Variants in ZFHX3 observed in about 807,000 individuals in gnomAD.
The protein encoded by ZFHX3 is zinc finger homeobox protein 3.
ZFHX3 carries 42 observed loss-of-function variants against 279.1 expected under a neutral mutation model. The observed-to-expected ratio is 0.15, with a 90% CI of 0.12 to 0.19. The LOEUF (loss-of-function observed/expected upper bound fraction) is 0.19. Ranked by LOEUF, ZFHX3 falls within the 10% of genes least tolerant of loss-of-function variation. ZFHX3 has a pLI of 1.00. For missense variants in ZFHX3, 4,981 were observed against 4,754.0 expected (o/e 1.05, Z -1.40); for synonymous variants, 2,293 against 1,957.8 (o/e 1.17, Z -4.52).
chr16:73,710,813 C>T (rs2053354676), intron 1 of ZFHX3, among the ~76,000 whole-genome samples: 1 of 152,186 alleles, frequency 6.6e-6, no homozygotes, highest in Admixed American at 6.5e-5. Context: ...CCAGGAGTCG[C>T]CTTGTACAAC....
At chr16:73,637,594 A>T (rs2052538994) in intron 2 of ZFHX3, among the ~76,000 whole-genome samples, 1 of 152,142 alleles carries the variant, frequency 6.6e-6, no homozygotes, top group Non-Finnish European at 1.5e-5. Context: ...TAAATGTTAT[A>T]GTGTTGGGTA....
At chr16:73,471,399 CTCTTTCTTTT>C (rs1363657802) in intron 2 of ZFHX3, among the ~76,000 whole-genome samples, 1 of 152,008 alleles carries the variant, frequency 6.6e-6, no homozygotes, top group Non-Finnish European at 1.5e-5. Flanking sequence ...GTTTGTGAAT[CTCTTTCTTTT>C]TCTTTCTTTT....
chr16:73,791,856 G>A (rs1959834593), intron 1 of ZFHX3, among the ~76,000 whole-genome samples: 1 of 152,174 alleles, frequency 6.6e-6, no homozygotes, highest in Non-Finnish European at 1.5e-5. Context: ...TATGCTAAAT[G>A]GCATAGTATT....
intron 2 of ZFHX3, among the ~76,000 whole-genome samples, chr16:73,634,122 G>T (rs1333725903): frequency 6.6e-6 from 1 of 151,872 alleles, no homozygotes. Context: ...CTATCTATGT[G>T]TACATACATA....
chr16:73,484,176 G>A (rs1462986245), intron 2 of ZFHX3, among the ~76,000 whole-genome samples: 1 of 152,016 alleles, frequency 6.6e-6, no homozygotes, highest in African/African-American at 2.4e-5. Flanking sequence ...GAAGAGAGAA[G>A]CCTAAAAACT....
chr16:73,399,769 C>G (rs1459753077), intron 3 of ZFHX3, among the ~76,000 whole-genome samples: 1 of 151,626 alleles, frequency 6.6e-6, no homozygotes, highest in Non-Finnish European at 1.5e-5. Flanking sequence ...ATGTAGCTGT[C>G]TGGATATAAC....
chr16:73,457,856 G>A (rs1164252444), intron 2 of ZFHX3, among the ~76,000 whole-genome samples: 1 of 152,220 alleles, frequency 6.6e-6, no homozygotes, highest in Non-Finnish European at 1.5e-5. Flanking sequence ...TGCATGGGAA[G>A]TTCTCAGCAC....
intron 3 of ZFHX3, among the ~76,000 whole-genome samples, chr16:72,919,213 C>T (rs1699254694): frequency 6.6e-6 from 1 of 151,388 alleles, no homozygotes; most frequent in Admixed American, 6.6e-5. Context: ...CTGGAGTGTG[C>T]AGAGGTATAG....
chr16:73,023,540 T>A (rs1174647138), intron 1 of ZFHX3, among the ~76,000 whole-genome samples: 1 of 152,178 alleles, frequency 6.6e-6, no homozygotes, highest in Non-Finnish European at 1.5e-5. Context: ...CAACAGCCAA[T>A]GCCCCCGGCT....
At chr16:73,163,588 T>G (rs1967291734) in intron 5 of ZFHX3, among the ~76,000 whole-genome samples, 1 of 152,232 alleles carries the variant, frequency 6.6e-6, no homozygotes, top group South Asian at 2.1e-4. Flanking sequence ...AGAAAAAGTC[T>G]GCTGACTCTT....
At chr16:73,073,137 T>C (rs1033741414) in intron 8 of ZFHX3, among the ~76,000 whole-genome samples, 2 of 152,146 alleles carry the variant, frequency 1.3e-5, no homozygotes, top group African/African-American at 4.8e-5. Flanking sequence ...GCTCTGGCAA[T>C]CTGCTTGCCT....
At chr16:73,776,678 C>T (rs1021025116) in intron 1 of ZFHX3, among the ~76,000 whole-genome samples, 1 of 152,092 alleles carries the variant, frequency 6.6e-6, no homozygotes, top group Admixed American at 6.6e-5. Flanking sequence ...AAGTTAATTG[C>T]GTTTCCAGAT....
At chr16:73,020,348 C>G (rs1264317484) in intron 1 of ZFHX3, among the ~76,000 whole-genome samples, 2 of 152,178 alleles carry the variant, frequency 1.3e-5, no homozygotes, top group Non-Finnish European at 2.9e-5. Flanking sequence ...GGTGATGTTG[C>G]TATCACACTA....
intron 5 of ZFHX3, among the ~76,000 whole-genome samples, chr16:72,821,349 T>C (rs887531023): frequency 6.6e-6 from 1 of 152,190 alleles, no homozygotes; most frequent in Non-Finnish European, 1.5e-5. Context: ...TGTCAACATC[T>C]CTTGGCATTT....
intron 2 of ZFHX3, among the ~76,000 whole-genome samples, chr16:73,591,490 G>A (rs575896980): frequency 1.1e-4 from 16 of 151,422 alleles, no homozygotes; most frequent in African/African-American, 2.9e-4. Flanking sequence ...TCAGGAGATC[G>A]ATATCATCGT....
At chr16:72,972,938 C>T (rs1162506810) in intron 1 of ZFHX3, among the ~76,000 whole-genome samples, 1 of 152,190 alleles carries the variant, frequency 6.6e-6, no homozygotes, top group African/African-American at 2.4e-5. Context: ...CCTCCCTGTT[C>T]TCCTGTAGGT....
Position 72,793,528 on chromosome 16 carries a change from C to A in ZFHX3, c.9154G>T (p.Val3052Phe). Residue 3052 changes from valine (V) to phenylalanine (F), a missense_variant, in exon 9 of 10, where the codon GTT becomes TTT. By Grantham distance (50) the Val-to-Phe change is conservative. This residue lies in a region of ZFHX3 where 168 missense variants were observed against 249.1 expected (regional missense o/e 0.67). Transcript: ENST00000268489. The surrounding 1 kb of genome is among the most constrained non-coding windows in gnomAD (Gnocchi z 4.3). ...AGCTGGCTTCCAATGGTGTCTTTAA[C>A]TTTGGAGATATGCTGTTGGGAAAAG... is the stretch of plus-strand genomic sequence containing the variant. Reference protein sequence around the residue: ...HIFSQQHISKVKDTIGSQLDK... With the variant: ...HIFSQQHISKFKDTIGSQLDK... 6.2e-7 allele frequency: 1 copy of A among 1,614,198 alleles called. No individual in the cohort carries two copies. Among genetic ancestry groups the A allele is most frequent in the Non-Finnish European group, 8.5e-7 (1 of 1,180,048 alleles).
intron 5 of ZFHX3, among the ~76,000 whole-genome samples, chr16:73,148,387 A>G (rs1422982469): frequency 6.6e-6 from 1 of 152,198 alleles, no homozygotes; most frequent in African/African-American, 2.4e-5. Flanking sequence ...GGCAGAAATA[A>G]TCTATGGTTG....
chr16:72,837,856 C>T (rs942391999), intron 4 of ZFHX3, among the ~76,000 whole-genome samples: 1 of 152,176 alleles, frequency 6.6e-6, no homozygotes, highest in Non-Finnish European at 1.5e-5. Flanking sequence ...CTTGCCTTGG[C>T]CTCTCAAAGT....
Sources: gnomAD v4.1 joint callset for allele counts (sites outside exome capture counted in the v4.1 genomes callset) on GRCh38, gnomAD v4.1.1 for gene constraint, gnomAD v4.1.1 regional missense constraint, Gnocchi (gnomAD v3.1) non-coding constraint, MANE v1.5 for transcripts, NCBI Gene and HGNC (gene_info 2026-07-23, HGNC 2026-07-21) for gene names.